Variants in HMGB1 observed in about 807,000 individuals in gnomAD.
The protein encoded by HMGB1 is high mobility group box 1, also known as high mobility group protein B1.
For synonymous variants in HMGB1, 81 were observed against 84.0 expected (o/e 0.96, Z 0.19); for missense variants, 79 against 253.5 (o/e 0.31, Z 4.67).
intron 1 of HMGB1, among the ~76,000 whole-genome samples, chr13:30,533,790 G>A (rs534384745): frequency 1.3e-5 from 2 of 151,408 alleles, no homozygotes; most frequent in Non-Finnish European, 2.9e-5. Context: ...GCAATGTATT[G>A]TAAATTTTTC....
chr13:30,603,595 G>A (rs1950424743), intron 1 of HMGB1, among the ~76,000 whole-genome samples: 1 of 152,122 alleles, frequency 6.6e-6, no homozygotes, highest in Non-Finnish European at 1.5e-5. Flanking sequence ...GTATCTGTGG[G>A]GAATTGGTTC....
chr13:30,563,395 C>G (rs760460748), intron 1 of HMGB1, among the ~76,000 whole-genome samples: 4 of 152,084 alleles, frequency 2.6e-5, no homozygotes, highest in African/African-American at 4.8e-5. Context: ...GATCACTTAA[C>G]TCCAGGAGTT....
rs923730441 is a variant in HMGB1, at chr13:30,554,147, C to T, written c.-15+62524G>A. On this transcript the variant is annotated intron_variant, in intron 1 of 4. Transcript: ENST00000405805. ...GTCATATTACACAGTACATCTACTA[C>T]GATTAGAAAATATCAATAGTGGTGA... is the stretch of plus-strand genomic sequence containing the variant. 44 of 1,307,806 alleles carry T rather than the reference C, an allele frequency of 3.4e-5. 1 individual carries two copies. Among genetic ancestry groups the T allele is most frequent in the Middle Eastern group, 2.1e-4 (1 of 4,828 alleles). 81.0% of individuals were successfully genotyped at this position (1,307,806 alleles called of 1,614,324 possible). A position where few individuals can be genotyped will look rare whatever the true frequency, so the allele number is the denominator to read the frequency against.
In HMGB1 at chr13:30,571,269, CT is replaced by C. The variant is rs1399472096; in HGVS notation, c.-15+45401del. ...AGTAATATGAGTGTGAGAAAGTCCTCTTCCAGGATTAGCAAAAAAATGGTTT... is the reference window on the plus strand; with the variant it reads ...AGTAATATGAGTGTGAGAAAGTCCTCTCCAGGATTAGCAAAAAAATGGTTT... On this transcript the variant is annotated intron_variant, in intron 1 of 4. Coordinates refer to the HMGB1 transcript ENST00000405805. 2.7e-5 allele frequency among the ~76,000 whole-genome samples: 4 copies of C among 149,354 alleles called. No homozygotes were observed. In the East Asian group the frequency reaches 7.8e-4, roughly 29 times the overall value.
At chr13:30,575,081 CAT>C (rs1294527543) in intron 1 of HMGB1, among the ~76,000 whole-genome samples, 2 of 152,044 alleles carry the variant, frequency 1.3e-5, no homozygotes, top group African/African-American at 4.8e-5. Context: ...GCATGGTGTG[CAT>C]ATGTTTATTA....
intron 1 of HMGB1, among the ~76,000 whole-genome samples, chr13:30,490,313 T>C (rs1176236025): frequency 6.6e-6 from 1 of 152,142 alleles, no homozygotes; most frequent in African/African-American, 2.4e-5. Context: ...GAGATAAGTA[T>C]TTCAATTAAG....
At chr13:30,538,791 C>CTTTCTTCCTTTT (rs995841367) in intron 1 of HMGB1, among the ~76,000 whole-genome samples, 1 of 125,398 alleles carries the variant, frequency 8.0e-6, no homozygotes, top group African/African-American at 3.1e-5. Flanking sequence ...CTTTCTTTTT[C>CTTTCTTCCTTTT]TTTCTTCCTT....
intron 1 of HMGB1, among the ~76,000 whole-genome samples, chr13:30,518,928 G>C (rs532963128): frequency 6.6e-6 from 1 of 150,970 alleles, no homozygotes; most frequent in African/African-American, 2.4e-5. Context: ...TTTTTGTAGA[G>C]ATGGGGGCTG....
At chr13:30,573,676 G>C (rs1870527713) in intron 1 of HMGB1, among the ~76,000 whole-genome samples, 2 of 149,350 alleles carry the variant, frequency 1.3e-5, no homozygotes, top group African/African-American at 5.0e-5. Flanking sequence ...TTGGAGAAAG[G>C]GTCTCACTGT....
At chr13:30,589,295 G>A (rs1000595523) in intron 1 of HMGB1, among the ~76,000 whole-genome samples, 4 of 152,008 alleles carry the variant, frequency 2.6e-5, no homozygotes, top group Non-Finnish European at 4.4e-5. Flanking sequence ...GTGAACCACC[G>A]CGCCCGGCCT....
rs1886066344 is a variant in HMGB1 at position 30,458,082 on chromosome 13, TGTA to T, written c.*3272_*3274del. On this transcript the variant is annotated 3_prime_UTR_variant, in exon 5 of 5. Transcript: ENST00000341423. ...CAAGTTAATTCTAAGACTTAAGCTG[TGTA>T]CGGTGTGTGCAAATTTGCAGATACC... 6.6e-6 allele frequency: 1 copy of T among 152,226 alleles called. No individual in the cohort carries two copies. The allele number at this position is 152,226 out of a possible 1,614,324, so 9.4% of individuals were successfully genotyped here.
chr13:30,556,697 G>C (rs1341355315), intron 1 of HMGB1, among the ~76,000 whole-genome samples: 1 of 152,182 alleles, frequency 6.6e-6, no homozygotes, highest in Non-Finnish European at 1.5e-5. Flanking sequence ...ATATGCGAAA[G>C]CTAAAAAAAG....
intron 1 of HMGB1, among the ~76,000 whole-genome samples, chr13:30,610,691 A>G (rs1023075964): frequency 6.6e-6 from 1 of 152,104 alleles, no homozygotes; most frequent in African/African-American, 2.4e-5. Flanking sequence ...AGATTAATAT[A>G]TGGCCAAGTT....
At chr13:30,588,577 A>C (rs763249724) in intron 1 of HMGB1, among the ~76,000 whole-genome samples, 5 of 152,244 alleles carry the variant, frequency 3.3e-5, no homozygotes, top group Admixed American at 2.0e-4. Flanking sequence ...AAAAGATCTT[A>C]AAGTTGAGTC....
At chr13:30,573,230 A>G (rs1020693194) in intron 1 of HMGB1, among the ~76,000 whole-genome samples, 15 of 152,210 alleles carry the variant, frequency 9.9e-5, no homozygotes, top group Admixed American at 4.6e-4. Context: ...CTCTAGAAAC[A>G]CTACAGTAGT....
intron 1 of HMGB1, among the ~76,000 whole-genome samples, chr13:30,550,710 C>G (rs1005532644): frequency 1.3e-5 from 2 of 152,168 alleles, no homozygotes; most frequent in African/African-American, 4.8e-5. Flanking sequence ...TTCTGTCATT[C>G]CTGCTCCAAA....
At chr13:30,606,771 AC>A (rs1950462563) in intron 1 of HMGB1, among the ~76,000 whole-genome samples, 1 of 152,216 alleles carries the variant, frequency 6.6e-6, no homozygotes, top group African/African-American at 2.4e-5. Flanking sequence ...ATGCAAACTG[AC>A]CTAACAATGC....
At chr13:30,597,799 C>T (rs35870610) in intron 1 of HMGB1, among the ~76,000 whole-genome samples, 1,561 of 152,290 alleles carry the variant, frequency 0.01, 20 homozygotes, top group Middle Eastern at 0.031. Flanking sequence ...CTCATCCCAA[C>T]GGACTACAGG....
At chr13:30,523,132 C>T (rs527371348) in intron 1 of HMGB1, among the ~76,000 whole-genome samples, 1 of 152,338 alleles carries the variant, frequency 6.6e-6, no homozygotes, top group East Asian at 1.9e-4. Flanking sequence ...GGAAGAATGA[C>T]TTTCTAGCTC....
Sources: allele counts gnomAD v4.1 joint callset (sites outside exome capture counted in the v4.1 genomes callset), GRCh38; gene constraint gnomAD v4.1.1; transcripts MANE v1.5; gene names NCBI Gene and HGNC (gene_info 2026-07-23, HGNC 2026-07-21).